Variants in ARFGAP2 observed in about 807,000 individuals in gnomAD.
ARFGAP2 encodes the protein ARF GTPase activating protein 2.
Under a neutral mutation model 71.9 loss-of-function variants are expected in ARFGAP2, and 45 were observed. The observed-to-expected ratio is 0.63, with a 90% CI of 0.49 to 0.80. ARFGAP2 has a LOEUF of 0.80. ARFGAP2 is among the 30% of genes least tolerant of loss of function. ARFGAP2 has a pLI of 0.00. For synonymous variants in ARFGAP2, 248 were observed against 249.2 expected, an observed-to-expected ratio of 1.00 and a Z score of 0.05; for missense variants, 633 against 673.9, an observed-to-expected ratio of 0.94 and a Z score of 0.67.
At chr11:47,173,982 CA>C in intron 5 of ARFGAP2, 142 bp from the exon 6 acceptor site, 1 of 1,460,452 alleles carries the variant, frequency 6.8e-7, no homozygotes, top group South Asian at 1.2e-5. Context: ...AACAAGATCA[CA>C]GTTGCTATTC....
chr11:47,170,683 G>A (rs1208642280), intron 10 of ARFGAP2, among the ~76,000 whole-genome samples: 1 of 152,102 alleles, frequency 6.6e-6, no homozygotes, highest in Non-Finnish European at 1.5e-5. Flanking sequence ...AGCCAGACAT[G>A]GTGGCTCACA....
intron 10 of ARFGAP2, chr11:47,169,508 A>T (rs1952513919): frequency 6.6e-6 from 1 of 152,136 alleles, no homozygotes; most frequent in African/African-American, 2.4e-5. Context: ...TCAATTCATT[A>T]AAAAATATCT....
At position 47,171,574 on chromosome 11, in the gene ARFGAP2, G is replaced by A. The variant is rs888625385; in HGVS notation, c.810-17C>T. 1.2e-6 allele frequency: 2 copies of A among 1,614,132 alleles called. No homozygotes were observed. The highest frequency in any genetic ancestry group is 8.5e-7 in the Non-Finnish European group (1 of 1,180,008). Reference sequence around the variant, plus strand: ...GAGGCGACCCTTAGGGGGAACAAAGGTGTCAGTGGCCACCACCCATCCTGA... The same window carrying A: ...GAGGCGACCCTTAGGGGGAACAAAGATGTCAGTGGCCACCACCCATCCTGA... On this transcript the variant is annotated splice_polypyrimidine_tract_variant and intron_variant, in intron 9 of 15. Transcript: ENST00000524782.
At chr11:47,172,644 C>CA in intron 7 of ARFGAP2, 1 of 1,329,078 alleles carries the variant, frequency 7.5e-7, no homozygotes, top group Non-Finnish European at 9.9e-7. Context: ...TGGTGAGCAC[C>CA]AGGCTCCGCT....
At chr11:47,167,242 G>C (rs755120078) in intron 12 of ARFGAP2, among the ~76,000 whole-genome samples, 1 of 152,108 alleles carries the variant, frequency 6.6e-6, no homozygotes, top group South Asian at 2.1e-4. Flanking sequence ...CATATGTGTC[G>C]GTCTGCCTGG....
chr11:47,176,335 C>G (rs1338712947), intron 2 of ARFGAP2, 181 bp downstream of exon 2: 1 of 634,600 alleles, frequency 1.6e-6, no homozygotes, highest in East Asian at 2.7e-5. Context: ...GGAGACGGAC[C>G]GCCCATGTGC....
chr11:47,168,407 A>G, intron 10 of ARFGAP2, 156 bp from the exon 11 acceptor site: 1 of 942,338 alleles, frequency 1.1e-6, no homozygotes, highest in Non-Finnish European at 1.5e-6. Flanking sequence ...ACCCCAACAG[A>G]AGGCTAGCTG....
At position 47,175,282 on chromosome 11, in the gene ARFGAP2, G is replaced by A. The variant is rs1432651459; in HGVS notation, c.296C>T (p.Ala99Val). The A allele has an allele frequency of 4.3e-6, 7 of 1,614,018 alleles. No individual in the cohort carries two copies. Among genetic ancestry groups the A allele is most frequent in the Non-Finnish European group, 5.9e-6 (7 of 1,180,034 alleles). ...ATTATATTTGGTGTTGGCATCATTG[G>A]CTGTGCATCCATGTTGGCGAAAAAA... The part of the protein sequence containing the change: ...TAFFRQHGCT[A>V]NDANTKYNSR... The change falls in exon 4 of 16, where the codon GCC (alanine) becomes GTC (valine). Residue 99 changes from alanine to valine, a missense_variant. Physicochemically the swap from Ala to Val is moderately conservative, Grantham distance 64. Coordinates refer to ENST00000524782, the MANE Select transcript of ARFGAP2 (RefSeq NM_032389.6).
In ARFGAP2 at chr11:47,164,323, C is replaced by T. The variant is rs1419716956; in HGVS notation, c.*1159G>A. 2 of 1,453,136 alleles carry T rather than the reference C, an allele frequency of 1.4e-6. No homozygotes were observed. Among genetic ancestry groups the T allele is most frequent in the Non-Finnish European group, 9.2e-7 (1 of 1,086,004 alleles). 90.0% of individuals were successfully genotyped at this position (1,453,136 alleles called of 1,614,324 possible). On this transcript the variant is annotated 3_prime_UTR_variant, in exon 16 of 16. Coordinates refer to ENST00000524782, the MANE Select transcript of ARFGAP2 (RefSeq NM_032389.6). ...TGCTTCACTCAGACCAACAGGGAGCCAGGCCCTGCAGGGGCTTTATTTTGA... is the reference window on the plus strand; with the variant it reads ...TGCTTCACTCAGACCAACAGGGAGCTAGGCCCTGCAGGGGCTTTATTTTGA...
rs1310959211 is a variant in ARFGAP2 at position 47,173,777 on chromosome 11, C to T, written c.544G>A (p.Glu182Lys). The T allele has an allele frequency of 1.9e-6, 3 of 1,604,410 alleles. No homozygotes were observed. Among genetic ancestry groups the T allele is most frequent in the Non-Finnish European group, 2.6e-6 (3 of 1,175,502 alleles). The change falls in exon 6 of 16, where the codon GAG becomes AAG. Residue 182 changes from glutamate (E) to lysine (K), a missense_variant. Coordinates refer to ENST00000524782, the MANE Select transcript of ARFGAP2 (RefSeq NM_032389.6). ...AACTCACGTGCCAGGCCACTGCTCT[C>T]TGTAGACGGGGCTGGCTGCTGGGTC... ...SGTQQPAPST[E>K]SSGLAQPEHG...
chr11:47,172,636 G>C, intron 7 of ARFGAP2: 1 of 1,328,656 alleles, frequency 7.5e-7, no homozygotes, highest in South Asian at 1.2e-5. Flanking sequence ...GGAGCATATG[G>C]TGAGCACCAG....
chr11:47,168,344 A>T, intron 10 of ARFGAP2, 93 bp from the exon 11 acceptor site: 1 of 1,543,476 alleles, frequency 6.5e-7, no homozygotes, highest in Admixed American at 1.8e-5. Context: ...GTTCTCCTTC[A>T]CGGAGCGTCA....
Position 47,166,394 on chromosome 11 carries a change from AC to A in ARFGAP2, c.1427-9del. 1.9e-6 allele frequency: 3 copies of A among 1,613,826 alleles called. No homozygotes were observed. Among genetic ancestry groups the A allele is most frequent in the Non-Finnish European group, 2.5e-6 (3 of 1,179,770 alleles). On this transcript the variant is annotated splice_polypyrimidine_tract_variant and intron_variant, in intron 14 of 15. Transcript: ENST00000524782. Reference sequence around the variant, plus strand: ...TCCCCAGAGATACACTTCCTGTAAAACAAGAGCAGGGTGACCCAGAGCCCAG... The same window carrying A: ...TCCCCAGAGATACACTTCCTGTAAAAAAGAGCAGGGTGACCCAGAGCCCAG...
At chr11:47,174,084 C>T (rs993478199) in intron 5 of ARFGAP2, 12 of 618,452 alleles carry the variant, frequency 1.9e-5, no homozygotes, top group Non-Finnish European at 3.3e-5. Context: ...AACTTAAAGA[C>T]AGTTAACTAC....
In ARFGAP2 at chr11:47,166,364, C is replaced by T; in HGVS notation, c.1449G>A (p.Val483=). The change falls in exon 15 of 16, where the codon GTG becomes GTA. Residue 483 remains valine (V), a synonymous_variant. Coordinates refer to ENST00000524782, the MANE Select transcript of ARFGAP2 (RefSeq NM_032389.6). ...ACTGGGCAATGTCCGCTGTAGGCAG[C>T]ACGTTCCCCAGAGATACACTTCCTG... ...HGAGSVSLGN[V]LPTADIAQFK... 3.7e-6 allele frequency: 6 copies of T among 1,614,200 alleles called. No individual in the cohort carries two copies. The highest frequency in any genetic ancestry group is 1.7e-5 in the Admixed American group (1 of 60,030).
At chr11:47,176,713 A>C (rs1590966359) in intron 1 of ARFGAP2, 69 bp downstream of exon 1, 1 of 1,608,914 alleles carries the variant, frequency 6.2e-7, no homozygotes, top group Non-Finnish European at 8.5e-7. Flanking sequence ...AACATAACCC[A>C]CCTCCGCCCT....
chr11:47,176,778 G>A lies in ARFGAP2; in HGVS notation c.72+4C>T, dbSNP rs1952852129. ...GAGACTCCGCGCGCCCCCTGCTCACGCACCTTGTTGGTTGGAACTGCGCGA... is the reference window on the plus strand; with the variant it reads ...GAGACTCCGCGCGCCCCCTGCTCACACACCTTGTTGGTTGGAACTGCGCGA... On this transcript the variant is annotated splice_donor_region_variant and intron_variant, in intron 1 of 15. Transcript: ENST00000524782. 1.9e-6 allele frequency: 3 copies of A among 1,614,094 alleles called. No individual in the cohort carries two copies. Among genetic ancestry groups the A allele is most frequent in the Non-Finnish European group, 2.5e-6 (3 of 1,180,016 alleles).
chr11:47,170,208 C>T (rs1952540491), intron 10 of ARFGAP2, among the ~76,000 whole-genome samples: 1 of 150,542 alleles, frequency 6.6e-6, no homozygotes, highest in Admixed American at 6.7e-5. Flanking sequence ...CCTGTAATCA[C>T]AGCTTCTCAG....
chr11:47,174,752 C>A, intron 5 of ARFGAP2: 1 of 430,636 alleles, frequency 2.3e-6, no homozygotes, highest in Non-Finnish European at 4.3e-6. Context: ...GCACCGGACA[C>A]CTCTTGAAAC....
Sources: allele counts gnomAD v4.1 joint callset (sites outside exome capture counted in the v4.1 genomes callset), GRCh38; gene constraint gnomAD v4.1.1; transcripts MANE v1.5; gene names NCBI Gene and HGNC (gene_info 2026-07-23, HGNC 2026-07-21).